The following C1QTNF7 variants were observed in gnomAD, a reference collection of about 807,000 sequenced individuals.
The protein encoded by C1QTNF7 is C1q and TNF related 7, also known as complement C1q tumor necrosis factor-related protein 7.
Under a neutral mutation model 19.6 loss-of-function variants are expected in C1QTNF7, and 15 were observed. The observed-to-expected ratio is 0.76, with a 90% CI of 0.51 to 1.18. C1QTNF7 has a LOEUF of 1.18. Among genes scored for constraint, C1QTNF7 ranks in the 50% most tolerant of loss-of-function variants. The pLI, the probability that C1QTNF7 is intolerant of heterozygous loss-of-function variation, is 0.00. For missense variants in C1QTNF7, 324 were observed against 359.7 expected (o/e 0.90, Z 0.80); for synonymous variants, 142 against 137.5 (o/e 1.03, Z -0.23).
intron 1 of C1QTNF7, among the ~76,000 whole-genome samples, chr4:15,377,932 C>T (rs879421687): frequency 6.6e-6 from 1 of 152,122 alleles, no homozygotes; most frequent in Admixed American, 6.5e-5. Flanking sequence ...CACAAATTTG[C>T]ACTGAGGACT....
intron 1 of C1QTNF7, among the ~76,000 whole-genome samples, chr4:15,365,195 T>C (rs1043402789): frequency 6.6e-6 from 1 of 152,098 alleles, no homozygotes; most frequent in Non-Finnish European, 1.5e-5. Flanking sequence ...ATCTAGTATA[T>C]TTCAAGGCCT....
Position 15,435,917 on chromosome 4 carries a change from C to A in C1QTNF7, c.174C>A (p.Ile58=). Residue 58 remains isoleucine (I), a synonymous_variant, in exon 2 of 3, where the codon ATC becomes ATA. Transcript: ENST00000444304. The part of the protein sequence containing the change: ...ANGSPGPHGR[I]GLPGRDGRDG... ...GTTCCCCTGGGCCCCATGGTCGCAT[C>A]GGCCTTCCAGGAAGAGATGGTAGAG... The A allele has an allele frequency of 6.2e-7, 1 of 1,613,938 alleles. No individual in the cohort carries two copies.
intron 1 of C1QTNF7, among the ~76,000 whole-genome samples, chr4:15,401,040 A>C (rs1422309227): frequency 2.0e-5 from 3 of 152,206 alleles, no homozygotes; most frequent in Admixed American, 2.0e-4. Flanking sequence ...GTCTTAGAGG[A>C]GGGCAGAACC....
intron 1 of C1QTNF7, among the ~76,000 whole-genome samples, chr4:15,404,060 G>A (rs1719094256): frequency 6.6e-6 from 1 of 151,836 alleles, no homozygotes; most frequent in South Asian, 2.1e-4. Context: ...ATCTATTTTA[G>A]GCATTTAGTC....
chr4:15,435,434 C>T (rs917758502), intron 1 of C1QTNF7, among the ~76,000 whole-genome samples: 3 of 152,026 alleles, frequency 2.0e-5, no homozygotes, highest in Non-Finnish European at 2.9e-5. Context: ...AAAGAAAATG[C>T]CATTTTTAAA....
upstream of C1QTNF7, among the ~76,000 whole-genome samples, chr4:15,424,691 C>T (rs1411273528): frequency 6.6e-6 from 1 of 152,210 alleles, no homozygotes. Flanking sequence ...CTCCCTTCTC[C>T]ACAACTCTAC....
At chr4:15,357,495 G>A (rs1253438555) in intron 1 of C1QTNF7, among the ~76,000 whole-genome samples, 1 of 152,150 alleles carries the variant, frequency 6.6e-6, no homozygotes, top group Non-Finnish European at 1.5e-5. Context: ...CAGCCTTGTA[G>A]TATAGTTTGA....
chr4:15,427,922 A>C (rs983323847), upstream of C1QTNF7: 2 of 581,222 alleles, frequency 3.4e-6, no homozygotes, highest in African/African-American at 4.1e-5. Context: ...AATGACTTCC[A>C]GGGCCTTTGG....
At position 15,442,151 on chromosome 4, in the gene C1QTNF7, A is replaced by G. The variant is rs1712784283; in HGVS notation, c.239-17A>G. 6.3e-7 allele frequency: 1 copy of G among 1,580,998 alleles called. No homozygotes were observed. The highest frequency in any genetic ancestry group is 8.6e-7 in the Non-Finnish European group (1 of 1,168,730). On this transcript the variant is annotated splice_polypyrimidine_tract_variant and intron_variant, in intron 2 of 2. Coordinates refer to ENST00000444304, the MANE Select transcript of C1QTNF7 (RefSeq NM_031911.5). ...CTTTTGAGGAACTATTAATCAAACTATATACTCTTTCTGAAGGTTTGAGAG... is the reference window on the plus strand; with the variant it reads ...CTTTTGAGGAACTATTAATCAAACTGTATACTCTTTCTGAAGGTTTGAGAG...
At chr4:15,380,494 T>C (rs1044710038) in intron 1 of C1QTNF7, among the ~76,000 whole-genome samples, 2 of 152,244 alleles carry the variant, frequency 1.3e-5, no homozygotes, top group African/African-American at 4.8e-5. Context: ...CTTGTCAAAC[T>C]TTGCCTTTTA....
chr4:15,436,587 T>C (rs1050283135), intron 2 of C1QTNF7, among the ~76,000 whole-genome samples: 14 of 152,226 alleles, frequency 9.2e-5, no homozygotes, highest in South Asian at 2.1e-4. Context: ...ACCTGACACA[T>C]AGCAGCTAAA....
At chr4:15,379,188 G>A (rs185065068) in intron 1 of C1QTNF7, among the ~76,000 whole-genome samples, 175 of 152,166 alleles carry the variant, frequency 1.2e-3, no homozygotes, top group African/African-American at 3.9e-3. Flanking sequence ...ACAAGTTCCC[G>A]AGTTAAGATT....
At chr4:15,415,953 C>A (rs1303581664) in intron 1 of C1QTNF7, among the ~76,000 whole-genome samples, 1 of 152,094 alleles carries the variant, frequency 6.6e-6, no homozygotes, top group African/African-American at 2.4e-5. Flanking sequence ...TAGAACAAAT[C>A]ATTTATAACA....
intron 1 of C1QTNF7, among the ~76,000 whole-genome samples, chr4:15,392,528 G>A (rs905211172): frequency 6.6e-6 from 1 of 152,170 alleles, no homozygotes; most frequent in African/African-American, 2.4e-5. Flanking sequence ...AAGAAGCCCT[G>A]AGGCACATTC....
chr4:15,435,729 C>T lies in C1QTNF7; in HGVS notation c.-8-7C>T, dbSNP rs768494606. On this transcript the variant is annotated splice_region_variant and splice_polypyrimidine_tract_variant and intron_variant, in intron 1 of 2. Coordinates refer to ENST00000444304, the MANE Select transcript of C1QTNF7 (RefSeq NM_031911.5). ...AGTTCATTTACGTCTGTGTGTTTCT[C>T]TTCCAGAGCCAAAGATGTTTGTCTT... is the stretch of plus-strand genomic sequence containing the variant. 1.2e-6 allele frequency: 2 copies of T among 1,614,112 alleles called. No homozygotes were observed. The highest frequency in any genetic ancestry group is 4.5e-5 in the East Asian group (2 of 44,880).
intron 1 of C1QTNF7, among the ~76,000 whole-genome samples, chr4:15,412,796 A>AT (rs1211485976): frequency 1.3e-5 from 2 of 152,194 alleles, no homozygotes; most frequent in Non-Finnish European, 2.9e-5. Flanking sequence ...TTTTCTGGAG[A>AT]TTTTTACAGA....
intron 1 of C1QTNF7, among the ~76,000 whole-genome samples, chr4:15,359,300 G>C (rs1354782810): frequency 6.6e-6 from 1 of 152,162 alleles, no homozygotes; most frequent in Non-Finnish European, 1.5e-5. Flanking sequence ...AAAAGGGAAA[G>C]ACATCTGGCT....
chr4:15,383,966 T>C (rs981615990), intron 1 of C1QTNF7, among the ~76,000 whole-genome samples: 8 of 152,130 alleles, frequency 5.3e-5, no homozygotes, highest in African/African-American at 1.7e-4. Context: ...TGAGAGAAGG[T>C]AGTTAGACCA....
At position 15,442,500 on chromosome 4, in the gene C1QTNF7, G is replaced by C; in HGVS notation, c.571G>C (p.Gly191Arg). The C allele has an allele frequency of 6.2e-7, 1 of 1,614,194 alleles. No individual in the cohort carries two copies. Among genetic ancestry groups the C allele is most frequent in the Non-Finnish European group, 8.5e-7 (1 of 1,180,038 alleles). Residue 191 changes from glycine (G) to arginine (R), a missense_variant, in exon 3 of 3, where the codon GGG becomes CGG. Gly to Arg is a moderately radical substitution (Grantham distance 125, BLOSUM62 -2). Coordinates refer to ENST00000444304, the MANE Select transcript of C1QTNF7 (RefSeq NM_031911.5). Reference sequence around the variant, plus strand: ...AGGGAAGTTCATCTGTGCTTTCCCAGGGATCTATTACTTTTCTTATGATAT... The same window carrying C: ...AGGGAAGTTCATCTGTGCTTTCCCACGGATCTATTACTTTTCTTATGATAT... ...ATGKFICAFP[G>R]IYYFSYDITL...
Sources: gnomAD v4.1 joint callset for allele counts (sites outside exome capture counted in the v4.1 genomes callset) on GRCh38, gnomAD v4.1.1 for gene constraint, MANE v1.5 for transcripts, NCBI Gene and HGNC (gene_info 2026-07-23, HGNC 2026-07-21) for gene names.